The following SAMM50 variants were observed in gnomAD, a reference collection of about 807,000 sequenced individuals.
SAMM50 encodes SAMM50 sorting and assembly machinery component.
Under a neutral mutation model 66.9 loss-of-function variants are expected in SAMM50, and 47 were observed. That is an observed-to-expected ratio of 0.70 (90% CI 0.56 to 0.90). The LOEUF is 0.90. Among genes scored for constraint, SAMM50 ranks in the 40% least tolerant of loss-of-function variants. SAMM50 has a pLI of 0.00. For synonymous variants in SAMM50, 191 were observed against 214.1 expected (o/e 0.89, Z 0.94); for missense variants, 535 against 595.3 (o/e 0.90, Z 1.05).
intron 8 of SAMM50, among the ~76,000 whole-genome samples, chr22:43,976,494 G>A (rs916368544): frequency 1.3e-5 from 2 of 152,232 alleles, no homozygotes; most frequent in African/African-American, 4.8e-5. Flanking sequence ...AACGAACCCG[G>A]TGGTGGGTGT....
rs1165253169 is a variant in SAMM50, at chr22:43,983,974, T to C, written c.1049T>C (p.Met350Thr). The C allele has an allele frequency of 3.7e-6, 6 of 1,611,970 alleles. No homozygotes were observed. The highest frequency in any genetic ancestry group is 3.4e-6 in the Non-Finnish European group (4 of 1,179,272). ...CCCACAAGCATCCGCGGATTCAGCATGCACAGCATCGGGCCACAGAGCGAA... is the reference window on the plus strand; with the variant it reads ...CCCACAAGCATCCGCGGATTCAGCACGCACAGCATCGGGCCACAGAGCGAA... The part of the protein sequence containing the change: ...GGPTSIRGFS[M>T]HSIGPQSEGD... The change falls in exon 12 of 15, where the codon ATG becomes ACG. Residue 350 changes from methionine (M) to threonine (T), a missense_variant. Transcript: ENST00000350028. This position sits in a 1 kb window ranked among gnomAD's most constrained non-coding sequence, Gnocchi z 4.2.
At chr22:43,978,400 A>G (rs2050244936) in intron 10 of SAMM50, among the ~76,000 whole-genome samples, 1 of 143,460 alleles carries the variant, frequency 7.0e-6, no homozygotes, top group Non-Finnish European at 1.5e-5. Flanking sequence ...ACACCACTGC[A>G]CTCCAGCCTG....
chr22:43,985,797 CG>C (rs1421586979), intron 12 of SAMM50, among the ~76,000 whole-genome samples: 1 of 151,836 alleles, frequency 6.6e-6, no homozygotes, highest in African/African-American at 2.4e-5. Context: ...GGCGAGCTTC[CG>C]GGGTGGCCGC....
intron 13 of SAMM50, among the ~76,000 whole-genome samples, chr22:43,989,493 C>G (rs1048881203): frequency 6.6e-6 from 1 of 152,094 alleles, no homozygotes; most frequent in Non-Finnish European, 1.5e-5. Flanking sequence ...CGTGCCATCA[C>G]GCCCGGCTAA....
intron 4 of SAMM50, 79 bp from the exon 5 acceptor site, chr22:43,972,157 T>G: frequency 3.9e-6 from 3 of 770,190 alleles, no homozygotes; most frequent in Non-Finnish European, 6.1e-6. Flanking sequence ...TTCAGATTGC[T>G]TTTTGTCTTT....
At chr22:43,977,160 C>A (rs2050237006) in intron 9 of SAMM50, among the ~76,000 whole-genome samples, 1 of 152,206 alleles carries the variant, frequency 6.6e-6, no homozygotes, top group Admixed American at 6.5e-5. Context: ...CCCTCAATGG[C>A]TGCAGGGCAG....
intron 11 of SAMM50, among the ~76,000 whole-genome samples, chr22:43,981,715 C>G (rs957332745): frequency 1.3e-5 from 2 of 152,090 alleles, no homozygotes; most frequent in Non-Finnish European, 2.9e-5. Context: ...GAATATAGTT[C>G]ATACTCATTG....
At chr22:43,975,876 C>T in intron 7 of SAMM50, 179 bp from the exon 8 acceptor site, 2 of 619,198 alleles carry the variant, frequency 3.2e-6, no homozygotes, top group Non-Finnish European at 5.5e-6. Flanking sequence ...TTCCTTTGTC[C>T]TTCTTCCCTC....
At chr22:43,982,782 C>T (rs1215632429) in intron 11 of SAMM50, among the ~76,000 whole-genome samples, 3 of 152,180 alleles carry the variant, frequency 2.0e-5, no homozygotes, top group South Asian at 2.1e-4. Flanking sequence ...ACTACAGGCA[C>T]CCGGCACCAC....
rs963793695 is a variant in SAMM50, at chr22:43,978,221, A to G, written c.936+263A>G. 2.0e-5 allele frequency among the ~76,000 whole-genome samples: 3 copies of G among 151,928 alleles called. No individual in the cohort carries two copies. In the East Asian group the frequency reaches 5.8e-4, roughly 29 times the overall value. ...CACTTTGGGAGGCTGAGGTGGGTGG[A>G]TCACAAGGTCAGGAGATCGAGACCA... On this transcript the variant is annotated intron_variant, in intron 10 of 14. Transcript: ENST00000350028.
intron 14 of SAMM50, among the ~76,000 whole-genome samples, chr22:43,992,751 G>A (rs902254146): frequency 4.6e-5 from 7 of 152,258 alleles, no homozygotes; most frequent in African/African-American, 1.2e-4. Context: ...CTGGGGTTGG[G>A]AAGTGGTTAT....
Position 43,983,935 on chromosome 22 carries a change from T to G in SAMM50, c.1010T>G (p.Phe337Cys), listed in dbSNP as rs765791684. Reference protein sequence around the residue: ...GDKPSSIADRFYLGGPTSIRG... With the variant: ...GDKPSSIADRCYLGGPTSIRG... ...ACCTGTGTGCTGTTTTGTCCTAGGT[T>G]TTACCTTGGGGGACCCACAAGCATC... The change falls in exon 12 of 15, where the codon TTT (phenylalanine) becomes TGT (cysteine). Residue 337 changes from phenylalanine to cysteine, a missense_variant and splice_region_variant. By Grantham distance (205) the Phe-to-Cys change is radical. Transcript: ENST00000350028. The surrounding 1 kb of genome is among the most constrained non-coding windows in gnomAD (Gnocchi z 4.2). 2 of 1,609,972 alleles carry G rather than the reference T, an allele frequency of 1.2e-6. No individual in the cohort carries two copies. The highest frequency in any genetic ancestry group is 8.5e-7 in the Non-Finnish European group (1 of 1,178,222).
At chr22:43,980,102 A>G (rs1403793232) in intron 10 of SAMM50, among the ~76,000 whole-genome samples, 30 of 147,912 alleles carry the variant, frequency 2.0e-4, no homozygotes, top group Middle Eastern at 3.4e-3. Flanking sequence ...CCATCCACCC[A>G]TCCACCCATC....
At position 43,983,521 on chromosome 22, in the gene SAMM50, G is replaced by A. The variant is rs556759212; in HGVS notation, c.1008-412G>A. On this transcript the variant is annotated intron_variant, in intron 11 of 14. Transcript: ENST00000350028. The surrounding 1 kb of genome is among the most constrained non-coding windows in gnomAD (Gnocchi z 4.2). ...TTATAGCCCCCCTTTTTGTAATATT[G>A]GGATTATACTATTAAATAATTTGTA... is the stretch of plus-strand genomic sequence containing the variant. Among the ~76,000 whole-genome samples the A allele has an allele frequency of 6.6e-5, 10 of 151,936 alleles. No homozygotes were observed. Among genetic ancestry groups the A allele is most frequent in the Non-Finnish European group, 1.0e-4 (7 of 67,964 alleles).
intron 2 of SAMM50, among the ~76,000 whole-genome samples, chr22:43,964,183 G>A (rs1481159879): frequency 6.6e-6 from 1 of 152,150 alleles, no homozygotes; most frequent in South Asian, 2.1e-4. Context: ...TGGCCTGCTC[G>A]GGTTTAGGGC....
chr22:43,956,961 C>G (rs1260539536), intron 1 of SAMM50: 2 of 616,348 alleles, frequency 3.2e-6, no homozygotes, highest in African/African-American at 3.7e-5. Context: ...AGAGTGCAAC[C>G]TGAGCTCTTC....
At chr22:43,961,368 A>G (rs897961625) in intron 1 of SAMM50, among the ~76,000 whole-genome samples, 5 of 152,244 alleles carry the variant, frequency 3.3e-5, no homozygotes, top group Non-Finnish European at 7.3e-5. Context: ...CTTATGGTCA[A>G]GCAAACATAG....
Position 43,983,200 on chromosome 22 carries a change from AC to A in SAMM50, c.1008-731del, listed in dbSNP as rs1392294979. ...TCAAAGGTCAGAGGGCTCTGAGGGC[AC>A]CTGCCGGGGTTGTGTCCTTGGCTGC... On this transcript the variant is annotated intron_variant, in intron 11 of 14. Transcript: ENST00000350028. The surrounding 1 kb of genome is among the most constrained non-coding windows in gnomAD (Gnocchi z 4.2). 6.6e-6 allele frequency among the ~76,000 whole-genome samples: 1 copy of A among 152,210 alleles called. No homozygotes were observed. The highest frequency in any genetic ancestry group is 2.4e-5 in the African/African-American group (1 of 41,458).
intron 14 of SAMM50, among the ~76,000 whole-genome samples, chr22:43,993,933 A>G (rs1031432264): frequency 1.3e-5 from 2 of 152,338 alleles, no homozygotes; most frequent in East Asian, 1.9e-4. Context: ...TTGTGGCACC[A>G]CTGTCTCTGG....
Sources: gnomAD v4.1 joint callset for allele counts (sites outside exome capture counted in the v4.1 genomes callset) on GRCh38, gnomAD v4.1.1 for gene constraint, Gnocchi (gnomAD v3.1) non-coding constraint, MANE v1.5 for transcripts, NCBI Gene and HGNC (gene_info 2026-07-23, HGNC 2026-07-21) for gene names.